ADAMTS6: variants seen among roughly 807,000 people sequenced by gnomAD.
ADAMTS6 encodes A disintegrin and metalloproteinase with thrombospondin motifs 6.
Under a neutral mutation model 144.3 loss-of-function variants are expected in ADAMTS6, and 23 were observed. The ratio of observed to expected loss-of-function variants is 0.16; its 90% CI spans 0.11 to 0.23. The LOEUF (loss-of-function observed/expected upper bound fraction) is 0.23. Ranked by LOEUF, ADAMTS6 falls within the 10% of genes least tolerant of loss-of-function variation. The pLI is 1.00. For missense variants in ADAMTS6, 999 were observed against 1,379.6 expected (o/e 0.72, Z 4.37); for synonymous variants, 444 against 457.5 (o/e 0.97, Z 0.38).
At chr5:65,389,098 C>T (rs184044071) in intron 7 of ADAMTS6, among the ~76,000 whole-genome samples, 1 of 151,900 alleles carries the variant, frequency 6.6e-6, no homozygotes, top group Non-Finnish European at 1.5e-5. Flanking sequence ...CAGCTACTCG[C>T]GAGGCTGAGG....
intron 7 of ADAMTS6, among the ~76,000 whole-genome samples, chr5:65,359,481 A>G (rs1749627450): frequency 1.3e-5 from 2 of 152,152 alleles, no homozygotes; most frequent in Admixed American, 1.3e-4. Flanking sequence ...AGTATTATGG[A>G]AAACAGTGTG....
chr5:65,448,799 C>A (rs189925147), intron 7 of ADAMTS6, among the ~76,000 whole-genome samples: 175 of 152,162 alleles, frequency 1.2e-3, no homozygotes, highest in African/African-American at 4.1e-3. Flanking sequence ...AGTAAGGTGA[C>A]ATTTCAAGCA....
intron 7 of ADAMTS6, among the ~76,000 whole-genome samples, chr5:65,450,278 C>T (rs138799170): frequency 4.3e-4 from 66 of 152,110 alleles, no homozygotes; most frequent in African/African-American, 1.5e-3. Context: ...ACCAATGATG[C>T]CAGGTAGATA....
chr5:65,224,098 C>T (rs1323853724), intron 18 of ADAMTS6, among the ~76,000 whole-genome samples: 4 of 152,088 alleles, frequency 2.6e-5, no homozygotes, highest in Non-Finnish European at 4.4e-5. Context: ...CAGCGCCTGG[C>T]CTGATTTTTT....
intron 19 of ADAMTS6, 86 bp from the exon 20 acceptor site, chr5:65,215,018 G>T: frequency 6.8e-7 from 1 of 1,470,532 alleles, no homozygotes. Context: ...AGAAGAAAAT[G>T]TCAAAACAAG....
Position 65,470,950 on chromosome 5 carries a change from T to C in ADAMTS6, c.290A>G (p.His97Arg), listed in dbSNP as rs760981716. Reference sequence around the variant, plus strand: ...ATCTGTGTTGAGAGTCAAGTTTAGATGAAAGTGCTTGCCATAGGCTGAAAG... The same window carrying C: ...ATCTGTGTTGAGAGTCAAGTTTAGACGAAAGTGCTTGCCATAGGCTGAAAG... ...FKLSAYGKHF[H>R]LNLTLNTDFV... is the part of the protein sequence containing the mutation. Residue 97 changes from histidine to arginine, a missense_variant, in exon 3 of 25, where the codon CAT (histidine) becomes CGT (arginine). His to Arg is a conservative substitution (Grantham distance 29). Around this residue, in one of 3 missense-constraint regions of ADAMTS6, gnomAD observed 252 missense variants for 293.7 expected, o/e 0.86. Transcript: ENST00000381055. 10 of 1,613,252 alleles carry C rather than the reference T, an allele frequency of 6.2e-6. No homozygotes were observed. The South Asian group carries it at 9.9e-5, about 16-fold the overall frequency.
chr5:65,375,236 T>C (rs1477939050), intron 7 of ADAMTS6, among the ~76,000 whole-genome samples: 2 of 151,990 alleles, frequency 1.3e-5, no homozygotes, highest in East Asian at 1.9e-4. Flanking sequence ...AAAGGAATGG[T>C]AACAAAAGCC....
intron 9 of ADAMTS6, among the ~76,000 whole-genome samples, chr5:65,314,311 A>C (rs1166037603): frequency 6.6e-6 from 1 of 152,076 alleles, no homozygotes; most frequent in Admixed American, 6.5e-5. Context: ...TGAAATACAG[A>C]GAGAAAAAAG....
At chr5:65,333,371 G>A (rs560534831) in intron 8 of ADAMTS6, among the ~76,000 whole-genome samples, 7 of 151,936 alleles carry the variant, frequency 4.6e-5, no homozygotes, top group Admixed American at 2.6e-4. Context: ...TAAAATTCTA[G>A]AATACTACAA....
At chr5:65,207,864 C>T (rs1048265508) in intron 20 of ADAMTS6, among the ~76,000 whole-genome samples, 1 of 152,172 alleles carries the variant, frequency 6.6e-6, no homozygotes, top group Non-Finnish European at 1.5e-5. Context: ...ATCAGATAAA[C>T]TTGAAATCAG....
intron 9 of ADAMTS6, among the ~76,000 whole-genome samples, chr5:65,319,725 G>GAAGGA (rs1373448853): frequency 1.0e-4 from 2 of 19,272 alleles, no homozygotes; most frequent in East Asian, 9.4e-3. Flanking sequence ...GGAAGGGAGG[G>GAAGGA]AGGGAGGGAG....
chr5:65,344,539 T>C (rs897236831), intron 7 of ADAMTS6, among the ~76,000 whole-genome samples: 5 of 151,928 alleles, frequency 3.3e-5, no homozygotes, highest in Non-Finnish European at 7.4e-5. Flanking sequence ...TAGAAAAGTG[T>C]AATTGAAGAA....
chr5:65,226,051 A>G (rs1757695911), intron 16 of ADAMTS6, 35 bp downstream of exon 16: 15 of 1,564,036 alleles, frequency 9.6e-6, no homozygotes, highest in Non-Finnish European at 1.3e-5. Context: ...AAAAGTCTCA[A>G]AAACCCCAAC....
intron 7 of ADAMTS6, among the ~76,000 whole-genome samples, chr5:65,436,048 A>AT (rs1757374814): frequency 2.0e-5 from 3 of 152,238 alleles, no homozygotes; most frequent in African/African-American, 7.2e-5. Context: ...TATTTAAAAC[A>AT]TTTTTGCAAA....
intron 20 of ADAMTS6, chr5:65,210,382 C>T (rs1580066580): frequency 6.4e-6 from 1 of 156,500 alleles, no homozygotes; most frequent in East Asian, 2.1e-4. Context: ...ACCCGGGAGG[C>T]GGAGCTTGCA....
At chr5:65,376,896 AATAT>A (rs1751615825) in intron 7 of ADAMTS6, among the ~76,000 whole-genome samples, 1 of 152,134 alleles carries the variant, frequency 6.6e-6, no homozygotes, top group Non-Finnish European at 1.5e-5. Flanking sequence ...GATTATGTAA[AATAT>A]TTGGTTTCCA....
At chr5:65,181,110 C>G (rs1480331577) in intron 22 of ADAMTS6, among the ~76,000 whole-genome samples, 1 of 152,186 alleles carries the variant, frequency 6.6e-6, no homozygotes, top group Admixed American at 6.5e-5. Context: ...TGGAGCCATT[C>G]TAATACTAAT....
At chr5:65,156,088 G>C (rs192685682) in intron 24 of ADAMTS6, among the ~76,000 whole-genome samples, 1 of 152,208 alleles carries the variant, frequency 6.6e-6, no homozygotes, top group East Asian at 1.9e-4. Flanking sequence ...ATTAGTACCA[G>C]TTTTAAATTA....
At chr5:65,219,625 T>C (rs1757169970) in intron 18 of ADAMTS6, among the ~76,000 whole-genome samples, 1 of 152,178 alleles carries the variant, frequency 6.6e-6, no homozygotes, top group South Asian at 2.1e-4. Flanking sequence ...CCCAGGCTGA[T>C]CTCAAACTCC....
Sources: allele counts gnomAD v4.1 joint callset (sites outside exome capture counted in the v4.1 genomes callset), GRCh38; gene constraint gnomAD v4.1.1; regional missense constraint gnomAD v4.1.1; transcripts MANE v1.5; gene names NCBI Gene and HGNC (gene_info 2026-07-23, HGNC 2026-07-21).